BCAS1: variants seen among roughly 807,000 people sequenced by gnomAD.
BCAS1 encodes brain enriched myelin associated protein 1.
Under a neutral mutation model 65.4 loss-of-function variants are expected in BCAS1, and 46 were observed. The ratio of observed to expected loss-of-function variants is 0.70; its 90% CI spans 0.55 to 0.90. The LOEUF (loss-of-function observed/expected upper bound fraction) is 0.90. Ranked by LOEUF, BCAS1 falls within the 40% of genes least tolerant of loss-of-function variation. The pLI, the probability that BCAS1 is intolerant of heterozygous loss-of-function variation, is 0.00. For synonymous variants in BCAS1, 298 were observed against 293.5 expected (o/e 1.02, Z -0.16); for missense variants, 793 against 771.2 (o/e 1.03, Z -0.33).
chr20:53,996,640 C>T lies in BCAS1; in HGVS notation c.724-590G>A, dbSNP rs117172537. On this transcript the variant is annotated intron_variant, in intron 4 of 12. Coordinates refer to ENST00000688948, the MANE Select transcript of BCAS1 (RefSeq NM_001366298.2). ...TCTGAATCTGCCTTCCTTTCACCAT[C>T]TCACCTCTCACGACCCCAGGACAGG... 4.1e-3 allele frequency among the ~76,000 whole-genome samples: 627 copies of T among 152,232 alleles called. 1 individual carries two copies. The highest frequency in any genetic ancestry group is 5.8e-3 in the Non-Finnish European group (394 of 68,000).
At chr20:54,069,200 C>T (rs1257078913) in intron 1 of BCAS1, among the ~76,000 whole-genome samples, 1 of 152,086 alleles carries the variant, frequency 6.6e-6, no homozygotes, top group African/African-American at 2.4e-5. Context: ...CTGTGATCAG[C>T]TCAGGATCCC....
At chr20:54,004,848 T>G (rs957280392) in intron 4 of BCAS1, among the ~76,000 whole-genome samples, 6 of 152,200 alleles carry the variant, frequency 3.9e-5, no homozygotes, top group Non-Finnish European at 8.8e-5. Flanking sequence ...CATCTACACC[T>G]CTGCAGTACT....
intron 7 of BCAS1, among the ~76,000 whole-genome samples, chr20:53,989,639 A>G (rs1344053009): frequency 6.6e-6 from 1 of 152,162 alleles, no homozygotes. Context: ...TAGTCTTTTC[A>G]TTCCTGCCCA....
chr20:53,993,954 A>G (rs2090833075), intron 6 of BCAS1, among the ~76,000 whole-genome samples: 1 of 152,230 alleles, frequency 6.6e-6, no homozygotes, highest in Non-Finnish European at 1.5e-5. Flanking sequence ...TTGCAAAACA[A>G]TGCCACACCT....
chr20:53,950,065 A>G (rs1263122489), intron 12 of BCAS1, among the ~76,000 whole-genome samples: 3 of 152,198 alleles, frequency 2.0e-5, no homozygotes, highest in Admixed American at 6.5e-5. Context: ...AATGTTATCA[A>G]CAGGGGCCAA....
At chr20:54,031,284 G>T (rs1557853) in intron 3 of BCAS1, among the ~76,000 whole-genome samples, 28,897 of 151,222 alleles carry the variant, frequency 0.19, 3,550 homozygotes, top group East Asian at 0.3. Flanking sequence ...TTACATCCAG[G>T]TATCTGGACT....
At chr20:54,022,152 G>C (rs999537631) in intron 4 of BCAS1, among the ~76,000 whole-genome samples, 2 of 152,214 alleles carry the variant, frequency 1.3e-5, no homozygotes, top group South Asian at 4.1e-4. Context: ...GACACCAGTA[G>C]AGAAAGACTG....
chr20:54,028,182 G>A, intron 4 of BCAS1: 1 of 593,656 alleles, frequency 1.7e-6, no homozygotes, highest in Non-Finnish European at 3.0e-6. Context: ...TAAAACAGAT[G>A]CCACAGCTGT....
At position 53,945,946 on chromosome 20, in the gene BCAS1, A is replaced by T. The variant is rs554257417; in HGVS notation, c.1816-950T>A. On this transcript the variant is annotated intron_variant, in intron 12 of 12. Transcript: ENST00000688948. ...ACCACCAAACTCAGCTAATTTTAAAATTTTTTTTGTAGAGACGGGGTCTCA... is the reference window on the plus strand; with the variant it reads ...ACCACCAAACTCAGCTAATTTTAAATTTTTTTTTGTAGAGACGGGGTCTCA... Among the ~76,000 whole-genome samples, 32 of 151,796 alleles carry T rather than the reference A, an allele frequency of 2.1e-4. No homozygotes were observed. The South Asian group carries it at 2.7e-3, about 13-fold the overall frequency.
intron 11 of BCAS1, among the ~76,000 whole-genome samples, chr20:53,955,744 G>A (rs17458807): frequency 0.021 from 3,235 of 152,190 alleles, 48 homozygotes; most frequent in Non-Finnish European, 0.032. Context: ...CCAAGGCTCC[G>A]GAAAATAAAA....
At chr20:54,061,148 A>G (rs1355543916) in intron 1 of BCAS1, among the ~76,000 whole-genome samples, 1 of 152,178 alleles carries the variant, frequency 6.6e-6, no homozygotes, top group African/African-American at 2.4e-5. Context: ...CATTCTTCAT[A>G]TGAGGTAGCC....
At chr20:53,969,742 A>T (rs2276510) in intron 9 of BCAS1, among the ~76,000 whole-genome samples, 50,045 of 151,938 alleles carry the variant, frequency 0.33, 9,473 homozygotes, top group African/African-American at 0.53. Flanking sequence ...CTCATGGTTA[A>T]AAAATAGCTG....
chr20:54,063,259 A>G (rs2092397902), intron 1 of BCAS1, among the ~76,000 whole-genome samples: 1 of 152,222 alleles, frequency 6.6e-6, no homozygotes, highest in Non-Finnish European at 1.5e-5. Context: ...GCTGGGCCTC[A>G]GTTTCCTCAT....
intron 8 of BCAS1, among the ~76,000 whole-genome samples, chr20:53,983,482 C>T (rs1181994307): frequency 6.6e-6 from 1 of 152,200 alleles, no homozygotes; most frequent in African/African-American, 2.4e-5. Context: ...TGATTTCAAA[C>T]TTTTAGCTTT....
Position 54,028,877 on chromosome 20 carries a change from G to C in BCAS1, c.238C>G (p.Leu80Val). The change falls in exon 4 of 13, where the codon CTT (leucine) becomes GTT (valine). Residue 80 changes from leucine (L) to valine (V), a missense_variant. Transcript: ENST00000688948. ...GCCTCGGGTTTGGCCTCTTTCCCAA[G>C]ATTCTTTCCGTTGGCATCCGCAACA... ...SAVADANGKN[L>V]GKEAKPEAPA... 1 of 1,614,074 alleles carries C rather than the reference G, an allele frequency of 6.2e-7. No individual in the cohort carries two copies. The highest frequency in any genetic ancestry group is 8.5e-7 in the Non-Finnish European group (1 of 1,180,024).
chr20:54,054,093 A>T (rs2092260102), intron 3 of BCAS1, among the ~76,000 whole-genome samples: 1 of 152,190 alleles, frequency 6.6e-6, no homozygotes, highest in Admixed American at 6.5e-5. Context: ...ACTCCCTTTT[A>T]TAAAACCATC....
chr20:53,993,797 T>A (rs191296058), intron 6 of BCAS1, among the ~76,000 whole-genome samples: 1 of 152,366 alleles, frequency 6.6e-6, no homozygotes, highest in East Asian at 1.9e-4. Context: ...TGCATGTAGA[T>A]GCTTCAGATA....
intron 3 of BCAS1, among the ~76,000 whole-genome samples, chr20:54,045,338 C>A (rs1304683852): frequency 1.3e-5 from 2 of 151,746 alleles, no homozygotes; most frequent in East Asian, 3.9e-4. Context: ...TATGTCTATA[C>A]CTTGAAGTAC....
chr20:54,042,485 A>G (rs2092017315), intron 3 of BCAS1, among the ~76,000 whole-genome samples: 1 of 152,232 alleles, frequency 6.6e-6, no homozygotes, highest in African/African-American at 2.4e-5. Flanking sequence ...GGAAAGAAAA[A>G]GCTGTGCCCA....
Sources: allele counts gnomAD v4.1 joint callset (sites outside exome capture counted in the v4.1 genomes callset), GRCh38; gene constraint gnomAD v4.1.1; transcripts MANE v1.5; gene names NCBI Gene and HGNC (gene_info 2026-07-23, HGNC 2026-07-21).